Variants in TMEM217 observed in about 807,000 individuals in gnomAD.
TMEM217 encodes chromosome 6 open reading frame 128.
For synonymous variants in TMEM217, 76 were observed against 88.3 expected, an observed-to-expected ratio of 0.86 and a Z score of 0.78; for missense variants, 204 against 248.8, an observed-to-expected ratio of 0.82 and a Z score of 1.21.
intron 1 of TMEM217, among the ~76,000 whole-genome samples, chr6:37,222,712 C>T (rs903045077): frequency 2.0e-5 from 3 of 152,244 alleles, no homozygotes; most frequent in South Asian, 4.1e-4. Flanking sequence ...GCAGCCCGCC[C>T]AAGAGGGCGG....
At chr6:37,252,396 C>T (rs1396465378) in intron 1 of TMEM217, among the ~76,000 whole-genome samples, 1 of 151,826 alleles carries the variant, frequency 6.6e-6, no homozygotes, top group African/African-American at 2.4e-5. Flanking sequence ...CTGGCAAAGC[C>T]TAAAAATATC....
At chr6:37,238,354 G>A (rs1764598275) in intron 1 of TMEM217, among the ~76,000 whole-genome samples, 1 of 152,094 alleles carries the variant, frequency 6.6e-6, no homozygotes, top group South Asian at 2.1e-4. Flanking sequence ...TATTTATTAT[G>A]CATATAAAAC....
chr6:37,215,259 C>G (rs1425844391), downstream of TMEM217: 1 of 1,613,558 alleles, frequency 6.2e-7, no homozygotes, highest in Non-Finnish European at 8.5e-7. Context: ...TGGAGACAGA[C>G]AGGTAAATAT....
intron 1 of TMEM217, among the ~76,000 whole-genome samples, chr6:37,249,406 A>T (rs748129990): frequency 6.6e-6 from 1 of 152,010 alleles, no homozygotes; most frequent in Non-Finnish European, 1.5e-5. Flanking sequence ...TGCAACCTCC[A>T]CTTTCCAGGT....
chr6:37,246,054 G>A (rs541589835), intron 1 of TMEM217, among the ~76,000 whole-genome samples: 1 of 152,048 alleles, frequency 6.6e-6, no homozygotes, highest in African/African-American at 2.4e-5. Context: ...CACCTGCCTC[G>A]GCCTCCCAAA....
At chr6:37,237,324 A>G (rs533911195) in intron 1 of TMEM217, among the ~76,000 whole-genome samples, 1 of 152,314 alleles carries the variant, frequency 6.6e-6, no homozygotes, top group South Asian at 2.1e-4. Context: ...TGCCTCCCTC[A>G]GTCCTGCAAC....
chr6:37,228,504 G>A (rs965493287), intron 1 of TMEM217, among the ~76,000 whole-genome samples: 3 of 152,192 alleles, frequency 2.0e-5, no homozygotes, highest in Non-Finnish European at 4.4e-5. Flanking sequence ...AGGAGTTTGA[G>A]ACCAGCCTGA....
downstream of TMEM217, chr6:37,215,250 G>A (rs72849694): frequency 6.2e-7 from 1 of 1,613,832 alleles, no homozygotes. Flanking sequence ...GCTTGGCACT[G>A]GAGACAGACA....
At chr6:37,249,865 T>G (rs73417893) in intron 1 of TMEM217, among the ~76,000 whole-genome samples, 1 of 152,208 alleles carries the variant, frequency 6.6e-6, no homozygotes, top group South Asian at 2.1e-4. Context: ...GTTGAACTTA[T>G]GCATACACTC....
At chr6:37,257,897 G>A (rs1765860747) in exon 1 of TMEM217, 1 of 1,612,760 alleles carries the variant, frequency 6.2e-7, no homozygotes, top group Admixed American at 1.7e-5. Context: ...CCGCCTACAA[G>A]GACTTCCCCC....
intron 1 of TMEM217, among the ~76,000 whole-genome samples, chr6:37,251,638 T>C (rs994490962): frequency 2.0e-5 from 3 of 152,236 alleles, no homozygotes; most frequent in African/African-American, 7.2e-5. Flanking sequence ...TACACACATA[T>C]GTAATAAAAC....
intron 1 of TMEM217, among the ~76,000 whole-genome samples, chr6:37,238,716 A>G (rs1026744185): frequency 2.0e-5 from 3 of 152,260 alleles, no homozygotes; most frequent in Non-Finnish European, 2.9e-5. Context: ...AGCAACAAGC[A>G]TGAAGACAAA....
intron 1 of TMEM217, among the ~76,000 whole-genome samples, chr6:37,222,195 T>G (rs1562004669): frequency 6.6e-6 from 1 of 152,200 alleles, no homozygotes; most frequent in Non-Finnish European, 1.5e-5. Flanking sequence ...GAGGCACCAC[T>G]TAGGTCTGCA....
intron 1 of TMEM217, among the ~76,000 whole-genome samples, chr6:37,256,708 A>G (rs762161576): frequency 7.7e-6 from 1 of 129,438 alleles, no homozygotes; most frequent in Non-Finnish European, 1.6e-5. Flanking sequence ...GTATTCTCCA[A>G]TATGTGGAAG....
At chr6:37,242,629 C>G (rs1302395283) in intron 1 of TMEM217, among the ~76,000 whole-genome samples, 1 of 152,218 alleles carries the variant, frequency 6.6e-6, no homozygotes, top group Non-Finnish European at 1.5e-5. Context: ...ACAAAGCCCT[C>G]ATGATCTGAC....
intron 1 of TMEM217, among the ~76,000 whole-genome samples, chr6:37,231,262 C>T (rs1764192971): frequency 8.2e-6 from 1 of 122,116 alleles, no homozygotes. Flanking sequence ...TAGAAACGGG[C>T]TTTCACCACG....
chr6:37,215,594 A>G (rs1197666186), downstream of TMEM217, among the ~76,000 whole-genome samples: 3 of 145,712 alleles, frequency 2.1e-5, no homozygotes, highest in Admixed American at 1.4e-4. Context: ...AAAAAAAAAA[A>G]AAAAAAAGAA....
At chr6:37,242,696 C>T (rs1159322473) in intron 1 of TMEM217, among the ~76,000 whole-genome samples, 1 of 152,176 alleles carries the variant, frequency 6.6e-6, no homozygotes, top group African/African-American at 2.4e-5. Context: ...ATCTAATACT[C>T]CCACTTCCTC....
intron 1 of TMEM217, among the ~76,000 whole-genome samples, chr6:37,225,242 T>C (rs1269850835): frequency 1.3e-5 from 2 of 152,052 alleles, no homozygotes; most frequent in Admixed American, 6.6e-5. Flanking sequence ...GGATAATAGA[T>C]ACAATATTTG....
Sources: gnomAD v4.1 joint callset for allele counts (sites outside exome capture counted in the v4.1 genomes callset) on GRCh38, gnomAD v4.1.1 for gene constraint, MANE v1.5 for transcripts, NCBI Gene and HGNC (gene_info 2026-07-23, HGNC 2026-07-21) for gene names.